HMGA2: variants seen among roughly 807,000 people sequenced by gnomAD.
The protein encoded by HMGA2 is high mobility group AT-hook 2, also known as high mobility group protein HMGI-C.
In HMGA2, 8 loss-of-function variants were observed where a neutral mutation model predicts 19.1. That is an observed-to-expected ratio of 0.42 (90% CI 0.25 to 0.76). HMGA2 has a LOEUF of 0.76. Ranked by LOEUF, HMGA2 falls within the 30% of genes least tolerant of loss-of-function variation. The pLI is 0.28. For missense variants in HMGA2, 109 were observed against 136.3 expected, an observed-to-expected ratio of 0.80 and a Z score of 1.00; for synonymous variants, 60 against 48.8, an observed-to-expected ratio of 1.23 and a Z score of -0.96.
chr12:65,884,341 A>G (rs1322373187), intron 3 of HMGA2, among the ~76,000 whole-genome samples: 1 of 152,202 alleles, frequency 6.6e-6, no homozygotes, highest in Non-Finnish European at 1.5e-5. Context: ...TATAAGACAA[A>G]TATTCCAAAA....
intron 4 of HMGA2, chr12:65,952,337 T>C (rs1407963477): frequency 3.3e-6 from 5 of 1,527,130 alleles, no homozygotes; most frequent in Non-Finnish European, 4.4e-6. Context: ...CAAATCTACC[T>C]TGCATCCTGT....
chr12:65,878,384 A>C (rs61921578), intron 3 of HMGA2, among the ~76,000 whole-genome samples: 1 of 152,222 alleles, frequency 6.6e-6, no homozygotes, highest in Admixed American at 6.5e-5. Flanking sequence ...GACCTAATAC[A>C]TGTGTAATAG....
chr12:65,857,311 A>G (rs547748144), intron 3 of HMGA2: 7 of 152,370 alleles, frequency 4.6e-5, no homozygotes, highest in Admixed American at 1.3e-4. Flanking sequence ...GCTTTTGCAG[A>G]GAACTGAAAC....
intron 4 of HMGA2, 21 bp from the exon 5 acceptor site, chr12:65,963,215 CGTCATGGCT>C: frequency 6.2e-7 from 1 of 1,609,768 alleles, no homozygotes; most frequent in Non-Finnish European, 8.5e-7. Flanking sequence ...AACGATTGAG[CGTCATGGCT>C]GTGCCCTTTG....
At chr12:65,846,492 C>T (rs372629754) in intron 3 of HMGA2, among the ~76,000 whole-genome samples, 1 of 152,156 alleles carries the variant, frequency 6.6e-6, no homozygotes, top group African/African-American at 2.4e-5. Context: ...AGGGAAAGCC[C>T]GTGTTATCAC....
chr12:65,893,693 T>G (rs1328157290), intron 3 of HMGA2, among the ~76,000 whole-genome samples: 1 of 152,190 alleles, frequency 6.6e-6, no homozygotes, highest in Non-Finnish European at 1.5e-5. Context: ...GAGGTCAAAA[T>G]GAGCTTTATT....
chr12:65,885,463 A>G (rs1323257386), intron 3 of HMGA2, among the ~76,000 whole-genome samples: 1 of 152,214 alleles, frequency 6.6e-6, no homozygotes, highest in East Asian at 1.9e-4. Context: ...ATTAAAAACA[A>G]AATGTTTTCC....
In HMGA2 at chr12:65,966,144, C is replaced by T. The variant is rs371770370; in HGVS notation, c.*2852C>T. ...TGCTGTCTATGATTGTACTTTGAAT[C>T]GCTTGCTTGTTGAAAATATTTCTCT... On this transcript the variant is annotated 3_prime_UTR_variant, in exon 5 of 5. Transcript: ENST00000403681. 1.3e-4 allele frequency: 28 copies of T among 208,264 alleles called. No individual in the cohort carries two copies. Among genetic ancestry groups the T allele is most frequent in the African/African-American group, 5.5e-4 (24 of 43,990 alleles). The allele number at this position is 208,264 out of a possible 1,614,324, so 12.9% of individuals were successfully genotyped here.
chr12:65,832,686 A>G (rs1356503645), intron 2 of HMGA2, among the ~76,000 whole-genome samples: 1 of 152,060 alleles, frequency 6.6e-6, no homozygotes, highest in Non-Finnish European at 1.5e-5. Context: ...CAACCAAGAG[A>G]AAAGGGGAAA....
intron 3 of HMGA2, chr12:65,881,766 C>A: frequency 1.4e-6 from 1 of 703,088 alleles, no homozygotes; most frequent in Non-Finnish European, 2.6e-6. Context: ...AGAGCCCGTG[C>A]TGGTGAAGGA....
chr12:65,887,878 A>T lies in HMGA2; in HGVS notation c.249+49309A>T, dbSNP rs201975883. Among the ~76,000 whole-genome samples the T allele has an allele frequency of 3.9e-4, 31 of 79,338 alleles. 1 individual carries two copies. In the East Asian group the frequency reaches 7.9e-3, roughly 20 times the overall value. The allele number at this position is 79,338 out of a possible 152,430, so 52.0% of individuals were successfully genotyped here. A position where few individuals can be genotyped will look rare whatever the true frequency, so the allele number is the denominator to read the frequency against. On this transcript the variant is annotated intron_variant, in intron 3 of 4. Coordinates refer to ENST00000403681, the MANE Select transcript of HMGA2 (RefSeq NM_003483.6). ...AATATTAGCCTGCCACAGGCAAATTAAAAAAAAAAAAAAGCAATGACAACA... is the reference window on the plus strand; with the variant it reads ...AATATTAGCCTGCCACAGGCAAATTTAAAAAAAAAAAAAGCAATGACAACA...
intron 4 of HMGA2, chr12:65,952,360 A>G (rs930968907): frequency 4.1e-5 from 63 of 1,534,466 alleles, no homozygotes; most frequent in Non-Finnish European, 4.8e-5. Flanking sequence ...TCTTAGGTCA[A>G]TGTTGCCTTG....
chr12:65,912,610 C>T (rs1874894346), intron 3 of HMGA2, among the ~76,000 whole-genome samples: 1 of 152,144 alleles, frequency 6.6e-6, no homozygotes, highest in Admixed American at 6.5e-5. Context: ...AAGTGATTCA[C>T]ATTGAAGTTA....
At chr12:65,828,384 G>T in intron 2 of HMGA2, 1 of 219,158 alleles carries the variant, frequency 4.6e-6, no homozygotes, top group Non-Finnish European at 7.9e-6. Flanking sequence ...GGGGGGGCGG[G>T]ATGAAAATGA....
At chr12:65,929,170 G>T (rs1875620175) in intron 3 of HMGA2, among the ~76,000 whole-genome samples, 1 of 152,096 alleles carries the variant, frequency 6.6e-6, no homozygotes, top group Admixed American at 6.6e-5. Flanking sequence ...CATAAATACT[G>T]AGGACTGTTC....
intron 3 of HMGA2, chr12:65,842,637 G>A: frequency 6.5e-7 from 1 of 1,535,450 alleles, no homozygotes. Flanking sequence ...CAATAGCAGA[G>A]ATTTGGTGTC....
At chr12:65,927,949 G>GTATA (rs10581504) in intron 3 of HMGA2, among the ~76,000 whole-genome samples, 1 of 146,402 alleles carries the variant, frequency 6.8e-6, no homozygotes, top group Non-Finnish European at 1.5e-5. Context: ...ATGTATGTGA[G>GTATA]TATATATATA....
At chr12:65,853,394 G>T (rs1378556778) in intron 3 of HMGA2, among the ~76,000 whole-genome samples, 2 of 152,098 alleles carry the variant, frequency 1.3e-5, no homozygotes, top group African/African-American at 4.8e-5. Flanking sequence ...TTAATCTTTT[G>T]GTTTCCTTGC....
At chr12:65,933,602 A>T (rs1040523492) in intron 3 of HMGA2, among the ~76,000 whole-genome samples, 2 of 152,230 alleles carry the variant, frequency 1.3e-5, no homozygotes, top group African/African-American at 2.4e-5. Context: ...TATTTAAAAA[A>T]TTTACCAAAC....
Sources: allele counts gnomAD v4.1 joint callset (sites outside exome capture counted in the v4.1 genomes callset), GRCh38; gene constraint gnomAD v4.1.1; transcripts MANE v1.5; gene names NCBI Gene and HGNC (gene_info 2026-07-23, HGNC 2026-07-21).